The following RARA variants were observed in gnomAD, a reference collection of about 807,000 sequenced individuals.
The protein encoded by RARA is PML-DDX5-RARA fusion.
A neutral mutation model predicts 42.8 loss-of-function variants in RARA; 5 were observed. The observed-to-expected ratio is 0.12, with a 90% CI of 0.06 to 0.25. RARA has a LOEUF of 0.25. RARA is among the 10% of genes least tolerant of loss of function. The pLI is 1.00. For synonymous variants in RARA, 256 were observed against 259.5 expected (o/e 0.99, Z 0.13); for missense variants, 402 against 628.7 (o/e 0.64, Z 3.86).
At chr17:40,347,463 G>T (rs545725295) in intron 2 of RARA, among the ~76,000 whole-genome samples, 2 of 152,298 alleles carry the variant, frequency 1.3e-5, no homozygotes, top group African/African-American at 2.4e-5. Flanking sequence ...GGAGGATTTG[G>T]CCAGTGAGGG....
Position 40,352,619 on chromosome 17 carries a change from G to A in RARA, c.807+112G>A, listed in dbSNP as rs1289017143. On this transcript the variant is annotated intron_variant, in intron 6 of 8. Transcript: ENST00000254066. This position sits in a 1 kb window ranked among gnomAD's most constrained non-coding sequence, Gnocchi z 4.9. ...CTGTCTGCAATCAACCTGTCCAAAT[G>A]CCCACCGCCCAAATGTCTGCCCTTC... The A allele has an allele frequency of 7.0e-5, 72 of 1,030,212 alleles. No homozygotes were observed. The highest frequency in any genetic ancestry group is 9.3e-5 in the Non-Finnish European group (69 of 740,424). 63.8% of individuals were successfully genotyped at this position (1,030,212 alleles called of 1,614,324 possible).
rs531073404 is a variant in RARA, at chr17:40,341,910, C to G, written c.179-6406C>G. 219 of 1,101,066 alleles carry G rather than the reference C, an allele frequency of 2.0e-4. No individual in the cohort carries two copies. In the South Asian group the frequency reaches 3.8e-3, roughly 19 times the overall value. 68.2% of individuals were successfully genotyped at this position (1,101,066 alleles called of 1,614,324 possible). ...TCCTCTCCCTGTACTCGGCGTCCCT[C>G]TGTACTCTGTGTACTCCTCATCTGG... On this transcript the variant is annotated intron_variant, in intron 2 of 8. Transcript: ENST00000254066.
chr17:40,317,385 G>C (rs1409629185), intron 1 of RARA, among the ~76,000 whole-genome samples: 1 of 152,250 alleles, frequency 6.6e-6, no homozygotes, highest in Admixed American at 6.5e-5. Context: ...GGGGGGTCAT[G>C]ACTGTATTGG....
At chr17:40,336,627 A>G (rs919028820) in intron 2 of RARA, among the ~76,000 whole-genome samples, 3 of 151,756 alleles carry the variant, frequency 2.0e-5, no homozygotes, top group East Asian at 1.9e-4. Context: ...TGACCTCCCA[A>G]TCCGCCTGCC....
intron 1 of RARA, among the ~76,000 whole-genome samples, chr17:40,329,992 C>G (rs528359638): frequency 1.3e-5 from 2 of 152,300 alleles, no homozygotes; most frequent in South Asian, 4.1e-4. Context: ...ATCTCTGTCT[C>G]TGTCTCTACC....
In RARA at chr17:40,342,565, GC is replaced by G. The variant is rs2034103371; in HGVS notation, c.179-5746del. 5.2e-6 allele frequency: 7 copies of G among 1,353,758 alleles called. No homozygotes were observed. The East Asian group carries it at 1.2e-4, about 23-fold the overall frequency. The allele number at this position is 1,353,758 out of a possible 1,614,324, so 83.9% of individuals were successfully genotyped here. On this transcript the variant is annotated intron_variant, in intron 2 of 8. Coordinates refer to ENST00000254066, the MANE Select transcript of RARA (RefSeq NM_000964.4). ...ACGCGGGGACTTCAGGGCAGGGGGC[GC>G]CCCCTGCCCGGGTCACCAGTCGGGG... is the stretch of plus-strand genomic sequence containing the variant.
chr17:40,342,083 T>A, intron 2 of RARA: 3 of 1,012,738 alleles, frequency 3.0e-6, no homozygotes, highest in Non-Finnish European at 3.5e-6. Flanking sequence ...CCAGGGGCGG[T>A]GCCTGGACGG....
intron 1 of RARA, among the ~76,000 whole-genome samples, chr17:40,310,024 C>T (rs1459122349): frequency 4.6e-5 from 7 of 152,108 alleles, no homozygotes; most frequent in Admixed American, 4.6e-4. Context: ...GGGAGGGATA[C>T]CAGAGTGTGG....
rs1282296435 is a variant in RARA, at chr17:40,341,870, C to T, written c.179-6446C>T. 1.8e-5 allele frequency: 18 copies of T among 1,006,088 alleles called. 1 individual carries two copies. The South Asian group carries it at 4.8e-4, about 27-fold the overall frequency. The allele number at this position is 1,006,088 out of a possible 1,614,324, so 62.3% of individuals were successfully genotyped here. On this transcript the variant is annotated intron_variant, in intron 2 of 8. Coordinates refer to ENST00000254066, the MANE Select transcript of RARA (RefSeq NM_000964.4). ...ACGCCCGCCCCTCTTCCGTCCTTGT[C>T]CCCTCGCAGCCCCCTCCTCTCCCTG... is the stretch of plus-strand genomic sequence containing the variant.
At position 40,331,099 on chromosome 17, in the gene RARA, TG is replaced by T; in HGVS notation, c.-117del. On this transcript the variant is annotated 5_prime_UTR_variant, in exon 2 of 9. Coordinates refer to ENST00000254066, the MANE Select transcript of RARA (RefSeq NM_000964.4). Reference sequence around the variant, plus strand: ...GACAGCAGCTCCAGGACAGGGCGGGTGGGCTGACCACCCAAACCCCATCTGG... The same window carrying T: ...GACAGCAGCTCCAGGACAGGGCGGGTGGCTGACCACCCAAACCCCATCTGG... 8.4e-7 allele frequency: 1 copy of T among 1,186,912 alleles called. No individual in the cohort carries two copies. Among genetic ancestry groups the T allele is most frequent in the Non-Finnish European group, 1.2e-6 (1 of 858,330 alleles). 73.5% of individuals were successfully genotyped at this position (1,186,912 alleles called of 1,614,324 possible). A position where few individuals can be genotyped will look rare whatever the true frequency, so the allele number is the denominator to read the frequency against.
chr17:40,324,922 T>G (rs755118188), intron 1 of RARA, among the ~76,000 whole-genome samples: 119 of 152,126 alleles, frequency 7.8e-4, no homozygotes, highest in Non-Finnish European at 1.5e-3. Context: ...CCTCAGGTGA[T>G]CCTTCTCCAG....
chr17:40,315,130 G>GC (rs2033172365), intron 1 of RARA, among the ~76,000 whole-genome samples: 39 of 53,982 alleles, frequency 7.2e-4, no homozygotes, highest in East Asian at 3.2e-3. Context: ...ATGCTTATAT[G>GC]TGTATATATA....
intron 1 of RARA, among the ~76,000 whole-genome samples, chr17:40,317,462 T>C (rs1390647078): frequency 6.6e-6 from 1 of 152,140 alleles, no homozygotes; most frequent in Non-Finnish European, 1.5e-5. Flanking sequence ...AAAAGAGCTT[T>C]CCTGGCTTCT....
chr17:40,316,959 G>A (rs1321151049), intron 1 of RARA, among the ~76,000 whole-genome samples: 1 of 152,230 alleles, frequency 6.6e-6, no homozygotes, highest in Non-Finnish European at 1.5e-5. Context: ...GGCCCTCAGG[G>A]CAAAGGGTCC....
intron 6 of RARA, among the ~76,000 whole-genome samples, chr17:40,353,988 C>T (rs2034534023): frequency 6.6e-6 from 1 of 152,188 alleles, no homozygotes; most frequent in Non-Finnish European, 1.5e-5. Flanking sequence ...ATGACCTGGA[C>T]CTGCACTATC....
intron 1 of RARA, among the ~76,000 whole-genome samples, chr17:40,313,191 C>T (rs1275362494): frequency 1.3e-5 from 2 of 152,078 alleles, no homozygotes; most frequent in Admixed American, 6.5e-5. Flanking sequence ...ACAGAAGGGA[C>T]GTCCAGACTC....
intron 2 of RARA, among the ~76,000 whole-genome samples, chr17:40,344,786 G>A (rs1401701846): frequency 6.6e-6 from 1 of 152,214 alleles, no homozygotes; most frequent in Non-Finnish European, 1.5e-5. Context: ...TGTGAGGTTG[G>A]GAGTGATGGG....
intron 1 of RARA, among the ~76,000 whole-genome samples, chr17:40,310,196 T>A (rs553462648): frequency 2.3e-4 from 35 of 152,332 alleles, no homozygotes; most frequent in African/African-American, 8.4e-4. Context: ...TCTGCCCCGC[T>A]ACAGGCTCTC....
Position 40,355,986 on chromosome 17 carries a change from C to T in RARA, c.1172-23C>T. On this transcript the variant is annotated intron_variant, in intron 8 of 8. Coordinates refer to ENST00000254066, the MANE Select transcript of RARA (RefSeq NM_000964.4). This position sits in a 1 kb window ranked among gnomAD's most constrained non-coding sequence, Gnocchi z 4.1. Reference sequence around the variant, plus strand: ...GGGAGGGCTGGCCCAGCGTGCTGACCTCTGCCCCCTCCTTTCCTGCAGGGG... The same window carrying T: ...GGGAGGGCTGGCCCAGCGTGCTGACTTCTGCCCCCTCCTTTCCTGCAGGGG... The T allele has an allele frequency of 6.3e-7, 1 of 1,579,026 alleles. No homozygotes were observed. The highest frequency in any genetic ancestry group is 8.6e-7 in the Non-Finnish European group (1 of 1,163,422).
Sources: allele counts gnomAD v4.1 joint callset (sites outside exome capture counted in the v4.1 genomes callset), GRCh38; gene constraint gnomAD v4.1.1; non-coding constraint Gnocchi (gnomAD v3.1); transcripts MANE v1.5; gene names NCBI Gene and HGNC (gene_info 2026-07-23, HGNC 2026-07-21).